The following ZMAT4 variants were observed in gnomAD, a reference collection of about 807,000 sequenced individuals.
ZMAT4 encodes zinc finger matrin-type protein 4.
In ZMAT4, 17 loss-of-function variants were observed where a neutral mutation model predicts 28.7. The observed-to-expected ratio is 0.59, with a 90% CI of 0.41 to 0.89. The LOEUF is 0.89. Ranked by LOEUF, ZMAT4 falls within the 40% of genes least tolerant of loss-of-function variation. The pLI is 0.00. For synonymous variants in ZMAT4, 117 were observed against 109.2 expected, an observed-to-expected ratio of 1.07 and a Z score of -0.44; for missense variants, 240 against 283.8, an observed-to-expected ratio of 0.85 and a Z score of 1.11.
chr8:40,628,925 T>G (rs572293701), intron 5 of ZMAT4, among the ~76,000 whole-genome samples: 2 of 152,032 alleles, frequency 1.3e-5, no homozygotes, highest in Non-Finnish European at 2.9e-5. Context: ...ACAATGGAAA[T>G]GAAGATTGCG....
intron 3 of ZMAT4, among the ~76,000 whole-genome samples, chr8:40,740,682 A>G (rs955320776): frequency 2.6e-5 from 4 of 152,138 alleles, no homozygotes; most frequent in Non-Finnish European, 5.9e-5. Context: ...TAAAGATGCA[A>G]TTTTTCCCAT....
At chr8:40,677,831 GTTT>G (rs1808974592) in intron 4 of ZMAT4, among the ~76,000 whole-genome samples, 1 of 152,110 alleles carries the variant, frequency 6.6e-6, no homozygotes, top group African/African-American at 2.4e-5. Context: ...TTCATAGTTT[GTTT>G]TTATTCTAAT....
intron 5 of ZMAT4, among the ~76,000 whole-genome samples, chr8:40,658,434 C>T (rs1254108811): frequency 6.6e-6 from 1 of 152,002 alleles, no homozygotes; most frequent in Admixed American, 6.6e-5. Context: ...AAATTCTGTT[C>T]CCCTGTGATG....
intron 5 of ZMAT4, among the ~76,000 whole-genome samples, chr8:40,664,346 C>T (rs1366551172): frequency 6.6e-6 from 1 of 152,186 alleles, no homozygotes; most frequent in Non-Finnish European, 1.5e-5. Flanking sequence ...GCTGCCTTTT[C>T]TCTCTTCTTC....
At position 40,894,412 on chromosome 8, in the gene ZMAT4, C is replaced by G. The variant is rs1033710125; in HGVS notation, c.-5+3271G>C. On this transcript the variant is annotated intron_variant, in intron 1 of 6. Coordinates refer to ENST00000297737, the MANE Select transcript of ZMAT4 (RefSeq NM_024645.3). ...AAACATCTACAATTAGATCTCCACC[C>G]TGGGGCCCCCTGAAATGACAGGAAG... Among the ~76,000 whole-genome samples the G allele has an allele frequency of 5.3e-5, 8 of 152,126 alleles. No homozygotes were observed. In the South Asian group the frequency reaches 1.7e-3, roughly 32 times the overall value.
At chr8:40,567,627 T>C (rs1803962039) in intron 6 of ZMAT4, among the ~76,000 whole-genome samples, 1 of 147,914 alleles carries the variant, frequency 6.8e-6, no homozygotes, top group African/African-American at 2.5e-5. Context: ...TGAACCCCCC[T>C]GGGAGGCGGA....
intron 6 of ZMAT4, among the ~76,000 whole-genome samples, chr8:40,568,698 A>G (rs951555731): frequency 6.6e-6 from 1 of 152,106 alleles, no homozygotes. Context: ...ATTACATTTC[A>G]CAGATATGGA....
intron 1 of ZMAT4, among the ~76,000 whole-genome samples, chr8:40,860,077 A>G (rs1384044717): frequency 6.6e-6 from 1 of 152,266 alleles, no homozygotes; most frequent in Non-Finnish European, 1.5e-5. Flanking sequence ...CTGGAGCAAG[A>G]CATAGATCTT....
chr8:40,694,932 A>T (rs1563416507), intron 4 of ZMAT4, among the ~76,000 whole-genome samples: 1 of 151,754 alleles, frequency 6.6e-6, no homozygotes, highest in African/African-American at 2.4e-5. Flanking sequence ...AGGACATGAG[A>T]CCCCCTTTCC....
chr8:40,739,840 C>A (rs1268821641), intron 3 of ZMAT4, among the ~76,000 whole-genome samples: 1 of 152,156 alleles, frequency 6.6e-6, no homozygotes, highest in Non-Finnish European at 1.5e-5. Flanking sequence ...TATTCCCTCC[C>A]TGTGTCCACA....
chr8:40,775,719 CT>C (rs1813564680), intron 2 of ZMAT4, among the ~76,000 whole-genome samples: 1 of 152,176 alleles, frequency 6.6e-6, no homozygotes, highest in South Asian at 2.1e-4. Context: ...CATGCCTTAG[CT>C]TTTAATTATA....
chr8:40,837,542 G>C (rs1473343613), intron 1 of ZMAT4, among the ~76,000 whole-genome samples: 5 of 152,202 alleles, frequency 3.3e-5, no homozygotes, highest in African/African-American at 9.6e-5. Flanking sequence ...TTTTTACCCA[G>C]TGAAACCTCT....
intron 2 of ZMAT4, among the ~76,000 whole-genome samples, chr8:40,769,963 A>G (rs1374586173): frequency 1.3e-5 from 2 of 152,130 alleles, no homozygotes; most frequent in Non-Finnish European, 2.9e-5. Context: ...GTGATGTGAG[A>G]TGTTGGGATT....
At chr8:40,605,312 A>G (rs991691889) in intron 5 of ZMAT4, among the ~76,000 whole-genome samples, 2 of 152,180 alleles carry the variant, frequency 1.3e-5, no homozygotes, top group Non-Finnish European at 2.9e-5. Flanking sequence ...TGATGTAGGC[A>G]GTTAATGCTA....
chr8:40,830,086 C>T (rs191301051), intron 1 of ZMAT4, among the ~76,000 whole-genome samples: 6 of 152,224 alleles, frequency 3.9e-5, no homozygotes, highest in Admixed American at 1.3e-4. Context: ...ATGAAACCTT[C>T]CTTTCTGCTT....
At chr8:40,595,608 G>T (rs2118594426) in intron 5 of ZMAT4, among the ~76,000 whole-genome samples, 1 of 152,160 alleles carries the variant, frequency 6.6e-6, no homozygotes, top group Non-Finnish European at 1.5e-5. Context: ...ATTATGCAAT[G>T]GTAAGTATTT....
At chr8:40,758,819 G>A (rs1050720007) in intron 3 of ZMAT4, among the ~76,000 whole-genome samples, 2 of 152,136 alleles carry the variant, frequency 1.3e-5, no homozygotes, top group Non-Finnish European at 2.9e-5. Flanking sequence ...GCCACAGAGA[G>A]AACTGTCTCT....
chr8:40,715,372 G>A (rs1810807143), intron 3 of ZMAT4, among the ~76,000 whole-genome samples: 1 of 152,032 alleles, frequency 6.6e-6, no homozygotes, highest in Admixed American at 6.6e-5. Context: ...GCCATAAAGA[G>A]GCAACAACAG....
At position 40,629,652 on chromosome 8, in the gene ZMAT4, C is replaced by T. The variant is rs538728698; in HGVS notation, c.577+45052G>A. On this transcript the variant is annotated intron_variant, in intron 5 of 6. Transcript: ENST00000297737. ...GTTCCCACCTATGAGTGAGAACATG[C>T]GGTGTTTGGTTTTTTGTCCTTGAGA... 1.8e-3 allele frequency among the ~76,000 whole-genome samples: 269 copies of T among 149,794 alleles called. 6 individuals carry two copies. The highest frequency in any genetic ancestry group is 0.015 in the Admixed American group (217 of 14,884).
Sources: gnomAD v4.1 joint callset for allele counts (sites outside exome capture counted in the v4.1 genomes callset) on GRCh38, gnomAD v4.1.1 for gene constraint, MANE v1.5 for transcripts, NCBI Gene and HGNC (gene_info 2026-07-23, HGNC 2026-07-21) for gene names.